CA10: variants seen among roughly 807,000 people sequenced by gnomAD.
CA10 encodes the protein carbonic anhydrase-related protein 10.
In CA10, 14 loss-of-function variants were observed where a neutral mutation model predicts 44.2. The observed-to-expected ratio is 0.32, with a 90% CI of 0.21 to 0.50. The LOEUF is 0.50. CA10 is among the 20% of genes least tolerant of loss of function. CA10 has a pLI of 0.99. For missense variants in CA10, 350 were observed against 409.7 expected (o/e 0.85, Z 1.26); for synonymous variants, 159 against 141.6 (o/e 1.12, Z -0.87).
chr17:52,109,232 T>C (rs1988738523), intron 1 of CA10, among the ~76,000 whole-genome samples: 1 of 152,188 alleles, frequency 6.6e-6, no homozygotes, highest in Admixed American at 6.5e-5. Flanking sequence ...AATAGTACTA[T>C]TTTCTGATAT....
At chr17:52,012,785 T>C (rs1188986298) in intron 2 of CA10, among the ~76,000 whole-genome samples, 3 of 151,508 alleles carry the variant, frequency 2.0e-5, no homozygotes, top group Non-Finnish European at 2.9e-5. Context: ...TGGAGAATGA[T>C]AAGTTTGAAC....
At chr17:51,882,810 G>A (rs546221750) in intron 3 of CA10, among the ~76,000 whole-genome samples, 1 of 152,214 alleles carries the variant, frequency 6.6e-6, no homozygotes, top group South Asian at 2.1e-4. Flanking sequence ...CCCTCTCTAG[G>A]GAGCCTACAA....
chr17:51,711,981 G>A (rs938686809), intron 4 of CA10, among the ~76,000 whole-genome samples: 11 of 152,166 alleles, frequency 7.2e-5, no homozygotes, highest in Non-Finnish European at 1.2e-4. Context: ...CTGGGCAGGA[G>A]GTCTACATGA....
At chr17:52,050,032 G>A (rs1987018516) in intron 2 of CA10, among the ~76,000 whole-genome samples, 1 of 152,038 alleles carries the variant, frequency 6.6e-6, no homozygotes, top group Non-Finnish European at 1.5e-5. Flanking sequence ...AGTAGGCAAT[G>A]TCACATAGGT....
intron 4 of CA10, among the ~76,000 whole-genome samples, chr17:51,732,432 C>T (rs894699259): frequency 3.3e-5 from 5 of 152,194 alleles, no homozygotes; most frequent in Admixed American, 6.5e-5. Flanking sequence ...TTTCAAGATC[C>T]GGCTTATGTC....
At chr17:52,006,934 C>A (rs573289692) in intron 2 of CA10, among the ~76,000 whole-genome samples, 3 of 151,788 alleles carry the variant, frequency 2.0e-5, no homozygotes, top group Admixed American at 6.6e-5. Context: ...TCTTTTAGAT[C>A]CTTGAATTGC....
chr17:51,740,662 G>A (rs1317910774), intron 4 of CA10, among the ~76,000 whole-genome samples: 4 of 152,182 alleles, frequency 2.6e-5, no homozygotes, highest in Admixed American at 6.5e-5. Flanking sequence ...CTCTGGCCCT[G>A]CTCTGACCTC....
intron 2 of CA10, among the ~76,000 whole-genome samples, chr17:52,015,953 T>C (rs964314256): frequency 1.3e-5 from 2 of 152,038 alleles, no homozygotes; most frequent in South Asian, 2.1e-4. Flanking sequence ...TCCTCAGAGA[T>C]GGTAGTTTCC....
At chr17:51,928,761 C>T (rs1304885624) in intron 3 of CA10, among the ~76,000 whole-genome samples, 1 of 152,152 alleles carries the variant, frequency 6.6e-6, no homozygotes, top group Non-Finnish European at 1.5e-5. Context: ...AAAATCAGAG[C>T]AGTGATTTGA....
intron 2 of CA10, among the ~76,000 whole-genome samples, chr17:52,022,613 A>G (rs1986177926): frequency 6.6e-6 from 1 of 152,074 alleles, no homozygotes; most frequent in Non-Finnish European, 1.5e-5. Flanking sequence ...CTAGCCAGAC[A>G]AATCAGGCAA....
chr17:51,767,282 T>C (rs2693523), intron 3 of CA10, among the ~76,000 whole-genome samples: 152,302 of 152,302 alleles, frequency 1, 76,151 homozygotes, highest in Non-Finnish European at 1. Flanking sequence ...TAGGTGGATT[T>C]CATATCTCAC....
intron 4 of CA10, among the ~76,000 whole-genome samples, chr17:51,716,349 T>C (rs1191334023): frequency 6.6e-6 from 1 of 152,156 alleles, no homozygotes; most frequent in East Asian, 1.9e-4. Flanking sequence ...CTGAGGGAAC[T>C]GGATCAGTAT....
At chr17:51,952,569 A>T (rs1302123562) in intron 2 of CA10, among the ~76,000 whole-genome samples, 6 of 152,150 alleles carry the variant, frequency 3.9e-5, no homozygotes, top group African/African-American at 1.4e-4. Flanking sequence ...AAAAAAAATT[A>T]AAACTAAAAG....
chr17:51,820,415 C>G lies in CA10; in HGVS notation c.280-72597G>C, dbSNP rs1462499260. Among the ~76,000 whole-genome samples the G allele has an allele frequency of 3.2e-4, 31 of 97,388 alleles. 5 individuals carry two copies. Among genetic ancestry groups the G allele is most frequent in the African/African-American group, 7.1e-4 (16 of 22,522 alleles). 63.9% of individuals were successfully genotyped at this position (97,388 alleles called of 152,430 possible). On this transcript the variant is annotated intron_variant, in intron 3 of 8. Transcript: ENST00000451037. Reference sequence around the variant, plus strand: ...CCTGGGGATTCCCCTACCCCCCCCCCCCCGCCCGCCGATTTTCCTGTACAA... The same window carrying G: ...CCTGGGGATTCCCCTACCCCCCCCCGCCCGCCCGCCGATTTTCCTGTACAA...
At chr17:52,157,531 C>CCA (rs1555571055) in intron 1 of CA10, among the ~76,000 whole-genome samples, 195 bp downstream of exon 1, 7 of 146,076 alleles carry the variant, frequency 4.8e-5, no homozygotes, top group African/African-American at 1.3e-4. Flanking sequence ...TCCTAACCAC[C>CCA]CCCCCCCGCA....
chr17:52,003,752 A>G (rs1051305968), intron 2 of CA10, among the ~76,000 whole-genome samples: 3 of 151,924 alleles, frequency 2.0e-5, no homozygotes, highest in Non-Finnish European at 2.9e-5. Flanking sequence ...CAATGACTTT[A>G]AGGAAAAGGC....
intron 3 of CA10, among the ~76,000 whole-genome samples, chr17:51,760,514 G>C (rs1207618255): frequency 2.0e-5 from 3 of 152,110 alleles, no homozygotes; most frequent in Non-Finnish European, 4.4e-5. Context: ...GATGTCTTTG[G>C]GGCAGTATTC....
intron 4 of CA10, among the ~76,000 whole-genome samples, chr17:51,711,283 T>A (rs1378251944): frequency 6.6e-6 from 1 of 152,152 alleles, no homozygotes; most frequent in African/African-American, 2.4e-5. Context: ...GGTGTGTTGT[T>A]CTGGTTTCGA....
At chr17:52,137,819 T>A (rs2143372120) in intron 1 of CA10, among the ~76,000 whole-genome samples, 3 of 152,328 alleles carry the variant, frequency 2.0e-5, no homozygotes, top group Middle Eastern at 3.4e-3. Flanking sequence ...TAGGAATCTA[T>A]TAGAATGCTA....
Sources: gnomAD v4.1 joint callset for allele counts (sites outside exome capture counted in the v4.1 genomes callset) on GRCh38, gnomAD v4.1.1 for gene constraint, MANE v1.5 for transcripts, NCBI Gene and HGNC (gene_info 2026-07-23, HGNC 2026-07-21) for gene names.